Variants in SLC22A7 observed in about 807,000 individuals in gnomAD.
SLC22A7 encodes hOAT2.
SLC22A7 carries 48 observed loss-of-function variants against 62.2 expected under a neutral mutation model. That is an observed-to-expected ratio of 0.77 (90% confidence interval 0.61 to 0.98). SLC22A7 has a LOEUF of 0.98. SLC22A7 is among the 50% of genes least tolerant of loss of function. The pLI is 0.00. For synonymous variants in SLC22A7, 276 were observed against 314.8 expected, an observed-to-expected ratio of 0.88 and a Z score of 1.30; for missense variants, 581 against 703.8, an observed-to-expected ratio of 0.83 and a Z score of 1.97.
chr6:43,298,200 G>A, upstream of SLC22A7: 1 of 641,440 alleles, frequency 1.6e-6, no homozygotes, highest in Non-Finnish European at 2.6e-6. Flanking sequence ...GCTGGGGAGG[G>A]CCCAGTCCTG....
At position 43,302,184 on chromosome 6, in the gene SLC22A7, C is replaced by A. The variant is rs757625516; in HGVS notation, c.1062-16C>A. 25 of 1,551,986 alleles carry A rather than the reference C, an allele frequency of 1.6e-5. No individual in the cohort carries two copies. In the East Asian group the frequency reaches 5.7e-4, roughly 35 times the overall value. Reference sequence around the variant, plus strand: ...GGGAAGGAGGGTCCGCCAAGTGGCACTGAGACTCCTTTCAGGTTCGGAGTG... The same window carrying A: ...GGGAAGGAGGGTCCGCCAAGTGGCAATGAGACTCCTTTCAGGTTCGGAGTG... On this transcript the variant is annotated splice_polypyrimidine_tract_variant and intron_variant, in intron 7 of 10. Coordinates refer to ENST00000372585, the MANE Select transcript of SLC22A7 (RefSeq NM_153320.2). This position sits in a 1 kb window ranked among gnomAD's most constrained non-coding sequence, Gnocchi z 5.0.
At chr6:43,304,321 A>G in intron 10 of SLC22A7, 77 bp downstream of exon 10, 1 of 1,260,066 alleles carries the variant, frequency 7.9e-7, no homozygotes, top group South Asian at 1.6e-5. Flanking sequence ...CTGACACCTT[A>G]GGATTCAGAC....
chr6:43,304,470 T>C, intron 10 of SLC22A7: 1 of 591,140 alleles, frequency 1.7e-6, no homozygotes, highest in Non-Finnish European at 3.0e-6. Context: ...ATACATAAGG[T>C]TGTTCAGGAA....
At chr6:43,301,111 G>A in intron 5 of SLC22A7, 24 bp from the exon 6 acceptor site, 5 of 1,614,024 alleles carry the variant, frequency 3.1e-6, no homozygotes, top group Non-Finnish European at 2.5e-6. Flanking sequence ...CTTTCTGGCT[G>A]ATGGACCTTC....
Position 43,299,986 on chromosome 6 carries a change from G to C in SLC22A7, c.747G>C (p.Leu249=), listed in dbSNP as rs1277092371. ...FWTGGVMLLA[L]VGYLIRDWRW... ...CAGGGGGCGTGATGCTGCTGGCACT[G>C]GTTGGGTACCTGATACGGGACTGGC... The change falls in exon 5 of 11, where the codon CTG becomes CTC. Residue 249 remains leucine, a synonymous_variant. Transcript: ENST00000372585. The surrounding 1 kb of genome is among the most constrained non-coding windows in gnomAD (Gnocchi z 4.4). 1 of 1,614,186 alleles carries C rather than the reference G, an allele frequency of 6.2e-7. No homozygotes were observed. The highest frequency in any genetic ancestry group is 8.5e-7 in the Non-Finnish European group (1 of 1,180,030).
rs1000843279 is a variant in SLC22A7 at position 43,299,197 on chromosome 6, G to C, written c.399+100G>C. The C allele has an allele frequency of 1.2e-6, 2 of 1,613,978 alleles. No individual in the cohort carries two copies. The highest frequency in any genetic ancestry group is 2.7e-5 in the African/African-American group (2 of 74,940). The stretch of plus-strand genomic sequence containing the variant: ...CCTTCCTTGGGAAGAAGCTGAGGCT[G>C]CAGGACTGGGGAGGGACAAAGTTTC... On this transcript the variant is annotated intron_variant, in intron 2 of 10. Transcript: ENST00000372585. This position sits in a 1 kb window ranked among gnomAD's most constrained non-coding sequence, Gnocchi z 4.4.
intron 1 of SLC22A7, 89 bp downstream of exon 1, chr6:43,298,840 C>T: frequency 1.3e-6 from 2 of 1,490,036 alleles, no homozygotes; most frequent in Non-Finnish European, 1.8e-6. Flanking sequence ...AGATGTATTA[C>T]TTTACCTCTT....
In SLC22A7 at chr6:43,302,520, A is replaced by C. The variant is rs2150735169; in HGVS notation, c.1276+106A>C. ...GGCCAAGAACCCACTCCTCCCCCAG[A>C]TCCCTGCTCTTACCCAGTGAGCTCA... On this transcript the variant is annotated intron_variant, in intron 8 of 10. Transcript: ENST00000372585. This position sits in a 1 kb window ranked among gnomAD's most constrained non-coding sequence, Gnocchi z 5.0. 1 of 1,211,004 alleles carries C rather than the reference A, an allele frequency of 8.3e-7. No individual in the cohort carries two copies. Among genetic ancestry groups the C allele is most frequent in the East Asian group, 2.6e-5 (1 of 38,940 alleles). 75.0% of individuals were successfully genotyped at this position (1,211,004 alleles called of 1,614,324 possible).
Position 43,302,476 on chromosome 6 carries a change from C to A in SLC22A7, c.1276+62C>A. The A allele has an allele frequency of 7.1e-7, 1 of 1,407,292 alleles. No homozygotes were observed. Among genetic ancestry groups the A allele is most frequent in the Non-Finnish European group, 9.5e-7 (1 of 1,047,304 alleles). The allele number at this position is 1,407,292 out of a possible 1,614,324, so 87.2% of individuals were successfully genotyped here. ...GCCGGGCCAGGAACCCTGCCCACTC[C>A]CCGGAGACCCCACCTCCTGGCCAAG... On this transcript the variant is annotated intron_variant, in intron 8 of 10. Coordinates refer to ENST00000372585, the MANE Select transcript of SLC22A7 (RefSeq NM_153320.2). The surrounding 1 kb of genome is among the most constrained non-coding windows in gnomAD (Gnocchi z 5.0).
At position 43,299,968 on chromosome 6, in the gene SLC22A7, C is replaced by A; in HGVS notation, c.729C>A (p.Gly243=). The A allele has an allele frequency of 6.2e-7, 1 of 1,614,068 alleles. No homozygotes were observed. Among genetic ancestry groups the A allele is most frequent in the Non-Finnish European group, 8.5e-7 (1 of 1,179,998 alleles). The change falls in exon 5 of 11, where the codon GGC becomes GGA. Residue 243 remains glycine (G), a synonymous_variant. Coordinates refer to ENST00000372585, the MANE Select transcript of SLC22A7 (RefSeq NM_153320.2). This position sits in a 1 kb window ranked among gnomAD's most constrained non-coding sequence, Gnocchi z 4.4. The part of the protein sequence containing the change: ...GVLSSTFWTG[G]VMLLALVGYL... ...TGAGCAGCACCTTCTGGACAGGGGG[C>A]GTGATGCTGCTGGCACTGGTTGGGT...
chr6:43,299,000 A>C, intron 1 of SLC22A7, 92 bp from the exon 2 acceptor site: 1 of 1,320,018 alleles, frequency 7.6e-7, no homozygotes, highest in Non-Finnish European at 1.1e-6. Context: ...AAGTGGCTTC[A>C]GGGAGTTGAG....
upstream of SLC22A7, chr6:43,298,229 G>A: frequency 1.2e-6 from 1 of 822,986 alleles, no homozygotes; most frequent in Non-Finnish European, 1.9e-6. Flanking sequence ...CCTGAGGGCT[G>A]GATTCTGGCT....
Position 43,302,986 on chromosome 6 carries a change from C to A in SLC22A7, c.1385+223C>A. 2.4e-6 allele frequency: 1 copy of A among 408,350 alleles called. No individual in the cohort carries two copies. Among genetic ancestry groups the A allele is most frequent in the Non-Finnish European group, 3.3e-6 (1 of 302,760 alleles). 25.3% of individuals were successfully genotyped at this position (408,350 alleles called of 1,614,324 possible). Reference sequence around the variant, plus strand: ...CCTCCAAAAGTGCTCGTATTACAGGCACTATTACAGGCATGAGCCACCGCA... The same window carrying A: ...CCTCCAAAAGTGCTCGTATTACAGGAACTATTACAGGCATGAGCCACCGCA... On this transcript the variant is annotated intron_variant, in intron 9 of 10. Transcript: ENST00000372585. The surrounding 1 kb of genome is among the most constrained non-coding windows in gnomAD (Gnocchi z 5.0).
rs572313584 is a variant in SLC22A7, at chr6:43,299,426, G to C, written c.436G>C (p.Ala146Pro). The change falls in exon 3 of 11, where the codon GCT becomes CCT. Residue 146 changes from alanine (A) to proline (P), a missense_variant. Coordinates refer to ENST00000372585, the MANE Select transcript of SLC22A7 (RefSeq NM_153320.2). The surrounding 1 kb of genome is among the most constrained non-coding windows in gnomAD (Gnocchi z 4.4). ...GTGTGAGCAGAAAGGTCTGAACAGA[G>C]CTGCGTCCACTTTCTTCTTCGCCGG... ...LVCEQKGLNRAASTFFFAGVL... is the reference protein window; with the variant it reads ...LVCEQKGLNRPASTFFFAGVL... The C allele has an allele frequency of 3.1e-6, 5 of 1,614,186 alleles. No homozygotes were observed. Among genetic ancestry groups the C allele is most frequent in the Middle Eastern group, 3.3e-4 (2 of 6,062 alleles).
chr6:43,299,215 A>C lies in SLC22A7; in HGVS notation c.399+118A>C. 1.2e-6 allele frequency: 2 copies of C among 1,613,726 alleles called. No individual in the cohort carries two copies. Among genetic ancestry groups the C allele is most frequent in the Non-Finnish European group, 1.7e-6 (2 of 1,179,810 alleles). ...TGAGGCTGCAGGACTGGGGAGGGAC[A>C]AAGTTTCCTATTCCCCAAGCTGGCG... On this transcript the variant is annotated intron_variant, in intron 2 of 10. Coordinates refer to ENST00000372585, the MANE Select transcript of SLC22A7 (RefSeq NM_153320.2). The surrounding 1 kb of genome is among the most constrained non-coding windows in gnomAD (Gnocchi z 4.4).
Position 43,301,299 on chromosome 6 carries a change from G to T in SLC22A7, c.951+41G>T, listed in dbSNP as rs779127228. Reference sequence around the variant, plus strand: ...TGTGTGAGCATGCATATATGTGTGTGGTGGGGAGTGGGCTGTGTCAAGTGC... The same window carrying T: ...TGTGTGAGCATGCATATATGTGTGTTGTGGGGAGTGGGCTGTGTCAAGTGC... On this transcript the variant is annotated intron_variant, in intron 6 of 10. Coordinates refer to ENST00000372585, the MANE Select transcript of SLC22A7 (RefSeq NM_153320.2). 2 of 1,611,470 alleles carry T rather than the reference G, an allele frequency of 1.2e-6. 1 individual carries two copies. Among genetic ancestry groups the T allele is most frequent in the South Asian group, 2.2e-5 (2 of 90,914 alleles).
Position 43,299,366 on chromosome 6 carries a change from GT to G in SLC22A7, c.400-23del, listed in dbSNP as rs768831203. ...GGAGAGGGGCTGATGTTCATAGGAGGTCCCTTTCTGCCTGTCCTTGCAGTGG... is the reference window on the plus strand; with the variant it reads ...GGAGAGGGGCTGATGTTCATAGGAGGCCCTTTCTGCCTGTCCTTGCAGTGG... On this transcript the variant is annotated intron_variant, in intron 2 of 10. Coordinates refer to ENST00000372585, the MANE Select transcript of SLC22A7 (RefSeq NM_153320.2). This position sits in a 1 kb window ranked among gnomAD's most constrained non-coding sequence, Gnocchi z 4.4. 1.2e-6 allele frequency: 2 copies of G among 1,613,274 alleles called. No individual in the cohort carries two copies. Among genetic ancestry groups the G allele is most frequent in the East Asian group, 4.5e-5 (2 of 44,896 alleles).
In SLC22A7 at chr6:43,299,146, T is replaced by C. The variant is rs200195866; in HGVS notation, c.399+49T>C. 901 of 1,613,826 alleles carry C rather than the reference T, an allele frequency of 5.6e-4. 3 individuals carry two copies. The highest frequency in any genetic ancestry group is 1.2e-3 in the Admixed American group (69 of 59,982). On this transcript the variant is annotated intron_variant, in intron 2 of 10. Coordinates refer to ENST00000372585, the MANE Select transcript of SLC22A7 (RefSeq NM_153320.2). The surrounding 1 kb of genome is among the most constrained non-coding windows in gnomAD (Gnocchi z 4.4). Reference sequence around the variant, plus strand: ...GGAGGTGGAATGTCGGTGGAGGCAGTCTCCCTGGGAGGCAGCAGGTCGAGG... The same window carrying C: ...GGAGGTGGAATGTCGGTGGAGGCAGCCTCCCTGGGAGGCAGCAGGTCGAGG...
intron 5 of SLC22A7, 133 bp from the exon 6 acceptor site, chr6:43,301,002 G>A: frequency 8.9e-7 from 1 of 1,127,244 alleles, no homozygotes; most frequent in Non-Finnish European, 1.3e-6. Flanking sequence ...GGAGGGCTTG[G>A]GGAGGAGATG....
Sources: allele counts gnomAD v4.1 joint callset, GRCh38; gene constraint gnomAD v4.1.1; non-coding constraint Gnocchi (gnomAD v3.1); transcripts MANE v1.5; gene names NCBI Gene and HGNC (gene_info 2026-07-23, HGNC 2026-07-21).